JMJD1C: variants seen among roughly 807,000 people sequenced by gnomAD.
JMJD1C encodes the protein jumonji domain containing 1C, also known as jumonji domain-containing protein 1C.
In JMJD1C, 31 loss-of-function variants were observed where a neutral mutation model predicts 245.3. The observed-to-expected ratio is 0.13, with a 90% confidence interval of 0.09 to 0.17. The LOEUF is 0.17. JMJD1C is among the 10% of genes least tolerant of loss of function. The pLI is 1.00. For synonymous variants in JMJD1C, 1,057 were observed against 1,017.4 expected, an observed-to-expected ratio of 1.04 and a Z score of -0.74; for missense variants, 2,691 against 3,000.2, an observed-to-expected ratio of 0.90 and a Z score of 2.41.
intron 3 of JMJD1C, among the ~76,000 whole-genome samples, chr10:63,264,439 C>A (rs1855271368): frequency 6.6e-6 from 1 of 152,048 alleles, no homozygotes; most frequent in African/African-American, 2.4e-5. Flanking sequence ...CAGAACACTG[C>A]CTGGCTCATA....
At chr10:63,458,793 G>A (rs1589787680) in intron 1 of JMJD1C, among the ~76,000 whole-genome samples, 1 of 150,892 alleles carries the variant, frequency 6.6e-6, no homozygotes, top group African/African-American at 2.4e-5. Flanking sequence ...GCATGATCAT[G>A]GCTCAATGCA....
At chr10:63,329,288 AAAAGAAAGAAAG>A (rs549092911) in intron 2 of JMJD1C, among the ~76,000 whole-genome samples, 2 of 151,800 alleles carry the variant, frequency 1.3e-5, no homozygotes, top group African/African-American at 2.4e-5. Context: ...TCAAAAAAAA[AAAAGAAAGAAAG>A]AAAGAAAGAA....
chr10:63,518,383 C>G (rs1443831911), intron 1 of JMJD1C, among the ~76,000 whole-genome samples: 1 of 152,092 alleles, frequency 6.6e-6, no homozygotes, highest in African/African-American at 2.4e-5. Context: ...TCCATATACC[C>G]TAAATAAGAG....
chr10:63,436,476 A>G (rs1421213688), intron 1 of JMJD1C, among the ~76,000 whole-genome samples: 2 of 152,094 alleles, frequency 1.3e-5, no homozygotes, highest in Admixed American at 6.5e-5. Flanking sequence ...TCATCTCTAA[A>G]AATCAGTACC....
chr10:63,177,300 T>C (rs969494080), intron 23 of JMJD1C: 5 of 219,166 alleles, frequency 2.3e-5, no homozygotes, highest in Non-Finnish European at 3.6e-5. Flanking sequence ...TGTGATAGAG[T>C]AGAATCATTC....
intron 1 of JMJD1C, among the ~76,000 whole-genome samples, chr10:63,402,784 A>G (rs1349624714): frequency 1.3e-5 from 2 of 152,134 alleles, no homozygotes; most frequent in Non-Finnish European, 2.9e-5. Context: ...TGTGTGTGGA[A>G]TAACATGTTA....
At chr10:63,335,707 C>T (rs1464678779) in intron 2 of JMJD1C, among the ~76,000 whole-genome samples, 1 of 152,156 alleles carries the variant, frequency 6.6e-6, no homozygotes, top group Non-Finnish European at 1.5e-5. Flanking sequence ...GACGGGGTTT[C>T]ACCATGTTGG....
At chr10:63,483,871 A>G (rs1953902515) in intron 1 of JMJD1C, among the ~76,000 whole-genome samples, 1 of 152,218 alleles carries the variant, frequency 6.6e-6, no homozygotes, top group South Asian at 2.1e-4. Context: ...TAAACCAGAC[A>G]CATTATGTTG....
At chr10:63,374,807 C>T (rs1305878731) in intron 2 of JMJD1C, among the ~76,000 whole-genome samples, 2 of 152,100 alleles carry the variant, frequency 1.3e-5, no homozygotes, top group Admixed American at 6.5e-5. Flanking sequence ...GGCAAAAAAG[C>T]AGGATCTACA....
intron 2 of JMJD1C, among the ~76,000 whole-genome samples, chr10:63,363,811 C>CGGGT (rs1945612798): frequency 6.6e-6 from 1 of 151,516 alleles, no homozygotes; most frequent in Non-Finnish European, 1.5e-5. Context: ...CAGCCTCTCC[C>CGGGT]GGGTAGCTGG....
At chr10:63,311,287 G>A (rs1481704895) in intron 2 of JMJD1C, among the ~76,000 whole-genome samples, 1 of 152,044 alleles carries the variant, frequency 6.6e-6, no homozygotes, top group Non-Finnish European at 1.5e-5. Context: ...ACTGAGGCAG[G>A]AGAATCACTT....
At chr10:63,332,203 A>C (rs1205394265) in intron 2 of JMJD1C, among the ~76,000 whole-genome samples, 1 of 152,196 alleles carries the variant, frequency 6.6e-6, no homozygotes, top group Non-Finnish European at 1.5e-5. Flanking sequence ...GTGGACCTCA[A>C]AATATGACTC....
intron 2 of JMJD1C, among the ~76,000 whole-genome samples, chr10:63,328,037 G>A (rs1019313206): frequency 6.6e-6 from 1 of 152,086 alleles, no homozygotes; most frequent in Non-Finnish European, 1.5e-5. Flanking sequence ...CACTTTGGGA[G>A]GCCAAGCCAG....
At chr10:63,461,494 G>A (rs1248250602) in intron 1 of JMJD1C, among the ~76,000 whole-genome samples, 1 of 152,030 alleles carries the variant, frequency 6.6e-6, no homozygotes, top group Non-Finnish European at 1.5e-5. Flanking sequence ...AAAACAAAAA[G>A]GGGTTTTATT....
At chr10:63,213,305 C>T (rs1418964904) in intron 8 of JMJD1C, among the ~76,000 whole-genome samples, 168 bp downstream of exon 8, 1 of 151,826 alleles carries the variant, frequency 6.6e-6, no homozygotes, top group African/African-American at 2.4e-5. Flanking sequence ...GCTTTTCTGA[C>T]GTTTCAGCTC....
chr10:63,396,957 C>G (rs1286020683), intron 1 of JMJD1C, among the ~76,000 whole-genome samples: 1 of 142,938 alleles, frequency 7.0e-6, no homozygotes, highest in Non-Finnish European at 1.5e-5. Flanking sequence ...GAGACAGGGT[C>G]TCACTCTCGT....
intron 2 of JMJD1C, among the ~76,000 whole-genome samples, chr10:63,367,227 T>A (rs1050292686): frequency 6.6e-6 from 1 of 151,984 alleles, no homozygotes; most frequent in African/African-American, 2.4e-5. Flanking sequence ...TCACCCTAGT[T>A]TTTTTTTGTT....
Position 63,334,432 on chromosome 10 carries a change from T to TAAA in JMJD1C, c.333+45883_333+45885dup, listed in dbSNP as rs1942481252. ...ATACACTACAGAGATTTTGGAGTTT[T>TAAA]AAAAAATTATCTATTTTGTTGTTAA... On this transcript the variant is annotated intron_variant, in intron 2 of 25. Coordinates refer to ENST00000399262, the MANE Select transcript of JMJD1C (RefSeq NM_032776.3). Among the ~76,000 whole-genome samples, 4 of 152,284 alleles carry TAAA rather than the reference T, an allele frequency of 2.6e-5. No homozygotes were observed. The South Asian group carries it at 8.3e-4, about 32-fold the overall frequency.
At chr10:63,253,695 A>T (rs1298194027) in intron 3 of JMJD1C, among the ~76,000 whole-genome samples, 3 of 152,000 alleles carry the variant, frequency 2.0e-5, no homozygotes, top group Non-Finnish European at 2.9e-5. Flanking sequence ...CTCATTTTTT[A>T]AAAATATGGT....
Sources: gnomAD v4.1 joint callset for allele counts (sites outside exome capture counted in the v4.1 genomes callset) on GRCh38, gnomAD v4.1.1 for gene constraint, MANE v1.5 for transcripts, NCBI Gene and HGNC (gene_info 2026-07-23, HGNC 2026-07-21) for gene names.